Variants in PDE11A observed in about 807,000 individuals in gnomAD.
The protein encoded by PDE11A is phosphodiesterase 11A, also known as dual 3',5'-cyclic-AMP and -GMP phosphodiesterase 11A.
PDE11A carries 100 observed loss-of-function variants against 100.5 expected under a neutral mutation model. That is an observed-to-expected ratio of 1.00 (90% CI 0.85 to 1.18). PDE11A has a LOEUF of 1.18. Ranked by LOEUF, PDE11A falls within the 50% of genes most tolerant of loss-of-function variation. The pLI is 0.00. For synonymous variants in PDE11A, 381 were observed against 420.8 expected, an observed-to-expected ratio of 0.91 and a Z score of 1.16; for missense variants, 1,141 against 1,152.6, an observed-to-expected ratio of 0.99 and a Z score of 0.15.
At chr2:177,907,846 A>G (rs1351012168) in intron 2 of PDE11A, among the ~76,000 whole-genome samples, 1 of 152,204 alleles carries the variant, frequency 6.6e-6, no homozygotes, top group African/African-American at 2.4e-5. Flanking sequence ...AATCTACTAT[A>G]TGTGCTATTA....
chr2:178,027,242 G>A (rs979910655), intron 1 of PDE11A, among the ~76,000 whole-genome samples: 1 of 152,004 alleles, frequency 6.6e-6, no homozygotes, highest in Non-Finnish European at 1.5e-5. Context: ...AGAGGAAATG[G>A]ATTATATTAT....
chr2:178,068,723 G>A (rs938530714), intron 1 of PDE11A, among the ~76,000 whole-genome samples: 4 of 152,148 alleles, frequency 2.6e-5, no homozygotes, highest in Admixed American at 2.6e-4. Context: ...TTTTCATTAA[G>A]AGAAATCTGT....
At chr2:178,014,494 G>T in intron 1 of PDE11A, 34 bp from the exon 2 acceptor site, 2 of 1,568,278 alleles carry the variant, frequency 1.3e-6, no homozygotes, top group Non-Finnish European at 1.8e-6. Context: ...TTAACTGCAT[G>T]TGCATTGTTG....
At chr2:177,731,310 G>C (rs2105451650) in intron 10 of PDE11A, among the ~76,000 whole-genome samples, 1 of 152,248 alleles carries the variant, frequency 6.6e-6, no homozygotes, top group South Asian at 2.1e-4. Flanking sequence ...TGTAAAAGTG[G>C]GGCTCTAAAA....
chr2:177,846,123 AGCTTTCAAAAGCTT>A (rs941932247), intron 5 of PDE11A, among the ~76,000 whole-genome samples: 2 of 152,140 alleles, frequency 1.3e-5, no homozygotes, highest in Non-Finnish European at 2.9e-5. Context: ...ACTGAGTTAG[AGCTTTCAAAAGCTT>A]GCTTCTCTTC....
intron 14 of PDE11A, among the ~76,000 whole-genome samples, chr2:177,699,084 A>G (rs1304361386): frequency 6.6e-6 from 1 of 152,226 alleles, no homozygotes; most frequent in African/African-American, 2.4e-5. Flanking sequence ...GCATCACATA[A>G]CAGGAGGGTA....
intron 10 of PDE11A, among the ~76,000 whole-genome samples, chr2:177,760,584 A>G (rs956989252): frequency 4.6e-5 from 7 of 152,140 alleles, no homozygotes; most frequent in African/African-American, 1.4e-4. Flanking sequence ...GATAAATTTT[A>G]TAGGTTCATA....
intron 15 of PDE11A, among the ~76,000 whole-genome samples, chr2:177,693,892 T>C (rs527296090): frequency 1.3e-5 from 2 of 152,356 alleles, no homozygotes; most frequent in South Asian, 4.1e-4. Flanking sequence ...CAATTGCACA[T>C]TTATTAAATA....
chr2:177,987,459 T>A (rs2085953969), intron 2 of PDE11A, among the ~76,000 whole-genome samples: 1 of 152,188 alleles, frequency 6.6e-6, no homozygotes, highest in South Asian at 2.1e-4. Flanking sequence ...ATTTTTCTTA[T>A]CTCAAAGTGG....
At chr2:177,883,258 ACT>A (rs2084375559) in intron 4 of PDE11A, among the ~76,000 whole-genome samples, 1 of 142,842 alleles carries the variant, frequency 7.0e-6, no homozygotes, top group Non-Finnish European at 1.5e-5. Context: ...ACACAGCAAG[ACT>A]CTGTCTCAAA....
chr2:177,934,553 T>C (rs956260078), intron 2 of PDE11A, among the ~76,000 whole-genome samples: 3 of 152,204 alleles, frequency 2.0e-5, no homozygotes, highest in African/African-American at 7.2e-5. Flanking sequence ...TAAATTACTG[T>C]AGCCACTGTG....
chr2:177,950,926 C>T (rs150172093), intron 2 of PDE11A, among the ~76,000 whole-genome samples: 71 of 150,572 alleles, frequency 4.7e-4, no homozygotes, highest in Middle Eastern at 3.4e-3. Flanking sequence ...AGTGAGACTC[C>T]GTCTCAAAAA....
At chr2:178,039,085 GC>G (rs1328103398) in intron 1 of PDE11A, 4 of 152,080 alleles carry the variant, frequency 2.6e-5, no homozygotes, top group African/African-American at 4.8e-5. Context: ...GTTCATTGAA[GC>G]CCTATTAACA....
chr2:178,064,925 A>G (rs2087025007), intron 1 of PDE11A, among the ~76,000 whole-genome samples: 1 of 152,164 alleles, frequency 6.6e-6, no homozygotes, highest in Non-Finnish European at 1.5e-5. Flanking sequence ...TAGGAAACAT[A>G]ATTTGTCATT....
intron 2 of PDE11A, among the ~76,000 whole-genome samples, chr2:177,915,979 C>T (rs1213372507): frequency 6.6e-6 from 1 of 152,184 alleles, no homozygotes; most frequent in Non-Finnish European, 1.5e-5. Context: ...TGGCTTGTGG[C>T]CTGTCTATGA....
chr2:177,816,978 A>T (rs1188873005), intron 8 of PDE11A, 57 bp from the exon 9 acceptor site: 1 of 990,574 alleles, frequency 1.0e-6, no homozygotes, highest in Non-Finnish European at 1.6e-6. Flanking sequence ...GCAAAATCTA[A>T]TATGAAAGCA....
intron 2 of PDE11A, among the ~76,000 whole-genome samples, chr2:177,922,373 A>C: frequency 6.6e-6 from 1 of 152,332 alleles, no homozygotes; most frequent in East Asian, 1.9e-4. Flanking sequence ...CCAACATGGC[A>C]CATGTATACA....
intron 12 of PDE11A, chr2:177,723,276 C>T (rs2081555397): frequency 6.6e-6 from 1 of 152,102 alleles, no homozygotes; most frequent in Non-Finnish European, 1.5e-5. Context: ...AATGGTTTGG[C>T]TTATCTCTGA....
chr2:177,697,390 CA>C lies in PDE11A; in HGVS notation c.2286del (p.Ser762ArgfsTer7), dbSNP rs776181294. On this transcript the variant is annotated frameshift_variant, in exon 15 of 20. Coordinates refer to ENST00000286063, the MANE Select transcript of PDE11A (RefSeq NM_016953.4). LOFTEE classifies it high-confidence loss of function. ...IFANLSSKEY[S>X]DLMQLLKQSI... Reference sequence around the variant, plus strand: ...GACTGCTTCAAAAGCTGCATAAGGTCACTATATTCCTTGGAGGACAGGTTAG... The same window carrying C: ...GACTGCTTCAAAAGCTGCATAAGGTCCTATATTCCTTGGAGGACAGGTTAG... The C allele has an allele frequency of 1.9e-6, 3 of 1,601,682 alleles. No individual in the cohort carries two copies. The highest frequency in any genetic ancestry group is 1.7e-6 in the Non-Finnish European group (2 of 1,168,958).
Sources: gnomAD v4.1 joint callset for allele counts (sites outside exome capture counted in the v4.1 genomes callset) on GRCh38, gnomAD v4.1.1 for gene constraint, MANE v1.5 for transcripts, NCBI Gene and HGNC (gene_info 2026-07-23, HGNC 2026-07-21) for gene names.